The following SLC38A6 variants were observed in gnomAD, a reference collection of about 807,000 sequenced individuals.
SLC38A6 encodes N system amino acid transporter NAT-1.
Under a neutral mutation model 65.0 loss-of-function variants are expected in SLC38A6, and 73 were observed. The ratio of observed to expected loss-of-function variants is 1.12; its 90% confidence interval spans 0.93 to 1.37. The LOEUF (loss-of-function observed/expected upper bound fraction) is 1.37. Among genes scored for constraint, SLC38A6 ranks in the 40% most tolerant of loss-of-function variants. The pLI, the probability that SLC38A6 is intolerant of heterozygous loss-of-function variation, is 0.00. For missense variants in SLC38A6, 561 were observed against 531.1 expected (o/e 1.06, Z -0.55); for synonymous variants, 183 against 178.8 (o/e 1.02, Z -0.19).
intron 6 of SLC38A6, 198 bp downstream of exon 6, chr14:61,030,721 G>A (rs1487831873): frequency 2.8e-5 from 13 of 468,078 alleles, no homozygotes; most frequent in South Asian, 2.5e-4. Flanking sequence ...ATATGAAAGC[G>A]CTGTTCTGTG....
chr14:61,054,286 A>G (rs939345364), downstream of SLC38A6, among the ~76,000 whole-genome samples: 1 of 152,106 alleles, frequency 6.6e-6, no homozygotes, highest in Non-Finnish European at 1.5e-5. Flanking sequence ...GTCCTGTAGT[A>G]TAGTTTGAAG....
At chr14:61,046,701 G>A (rs2042170092) in intron 12 of SLC38A6, among the ~76,000 whole-genome samples, 1 of 152,034 alleles carries the variant, frequency 6.6e-6, no homozygotes, top group Non-Finnish European at 1.5e-5. Context: ...TATTTTTACA[G>A]GTTCTTTTAA....
chr14:61,015,237 A>C (rs1179710606), intron 3 of SLC38A6, among the ~76,000 whole-genome samples: 1 of 152,216 alleles, frequency 6.6e-6, no homozygotes, highest in Admixed American at 6.5e-5. Context: ...GGAAAAGCGC[A>C]GTATTAGGGT....
At chr14:61,025,666 A>T (rs1958270) in intron 5 of SLC38A6, among the ~76,000 whole-genome samples, 141,825 of 152,214 alleles carry the variant, frequency 0.93, 66,458 homozygotes, top group Non-Finnish European at 0.99. Flanking sequence ...TCATTTTTTA[A>T]TCAAATTTAA....
intron 3 of SLC38A6, among the ~76,000 whole-genome samples, chr14:60,998,763 C>T (rs1368194430): frequency 2.6e-5 from 4 of 152,162 alleles, no homozygotes; most frequent in East Asian, 1.9e-4. Context: ...GCGCTCTCCC[C>T]GCCCCCTACA....
At chr14:61,021,306 A>G (rs942641555) in intron 5 of SLC38A6, among the ~76,000 whole-genome samples, 66 of 152,204 alleles carry the variant, frequency 4.3e-4, no homozygotes, top group African/African-American at 1.6e-3. Context: ...CTAGACCGGC[A>G]TCTAGCTTCA....
chr14:61,048,650 T>A (rs1784638496), intron 12 of SLC38A6, among the ~76,000 whole-genome samples: 1 of 152,194 alleles, frequency 6.6e-6, no homozygotes. Context: ...CTGCTTTGGA[T>A]CCTTTTATCC....
chr14:61,079,090 C>T (rs1425995388), intron 16 of SLC38A6, among the ~76,000 whole-genome samples: 2 of 150,378 alleles, frequency 1.3e-5, no homozygotes, highest in Admixed American at 6.6e-5. Flanking sequence ...AGGTCAAGAC[C>T]TCTGGCATCT....
intron 15 of SLC38A6, among the ~76,000 whole-genome samples, chr14:61,069,583 C>T (rs1015395718): frequency 1.3e-5 from 2 of 152,152 alleles, no homozygotes; most frequent in Non-Finnish European, 2.9e-5. Flanking sequence ...TTATTTTCCA[C>T]CTATCCAAAT....
At chr14:60,992,411 A>T (rs2037967123) in intron 3 of SLC38A6, among the ~76,000 whole-genome samples, 1 of 152,186 alleles carries the variant, frequency 6.6e-6, no homozygotes, top group Non-Finnish European at 1.5e-5. Flanking sequence ...TTTTGTAAAT[A>T]TTTCTCGGAT....
chr14:61,010,765 G>A lies in SLC38A6; in HGVS notation c.311-5139G>A, dbSNP rs145104922. On this transcript the variant is annotated intron_variant, in intron 3 of 15. Coordinates refer to ENST00000267488, the MANE Select transcript of SLC38A6 (RefSeq NM_153811.3). ...ATATATCTGTTTTGGTACCAGTACC[G>A]TGCTGTTTTGGTTACTGTAGCCTCG... Among the ~76,000 whole-genome samples, 846 of 152,178 alleles carry A rather than the reference G, an allele frequency of 5.6e-3. 8 individuals are homozygous for A. Among genetic ancestry groups the A allele is most frequent in the African/African-American group, 0.018 (765 of 41,518 alleles).
At chr14:61,042,834 C>T (rs2041891343) in intron 8 of SLC38A6, among the ~76,000 whole-genome samples, 1 of 152,122 alleles carries the variant, frequency 6.6e-6, no homozygotes, top group East Asian at 1.9e-4. Context: ...TCACTGAAAA[C>T]ATCATGTTCC....
intron 3 of SLC38A6, chr14:60,987,081 A>G (rs1402437541): frequency 2.4e-6 from 1 of 412,738 alleles, no homozygotes; most frequent in South Asian, 1.7e-5. Flanking sequence ...TAACTACTTC[A>G]TGGTTCTGCC....
intron 5 of SLC38A6, among the ~76,000 whole-genome samples, chr14:61,027,277 G>C (rs1305251286): frequency 6.6e-6 from 1 of 152,082 alleles, no homozygotes; most frequent in African/African-American, 2.4e-5. Flanking sequence ...CTGACATCAA[G>C]GTATATCTTC....
chr14:61,019,627 A>G (rs781073450), intron 5 of SLC38A6, 47 bp downstream of exon 5: 9 of 1,570,390 alleles, frequency 5.7e-6, no homozygotes, highest in Non-Finnish European at 7.9e-6. Context: ...TGATGGCAAT[A>G]ATGTCCTTTG....
intron 3 of SLC38A6, among the ~76,000 whole-genome samples, chr14:60,993,750 C>A (rs558228573): frequency 6.6e-6 from 1 of 152,288 alleles, no homozygotes; most frequent in South Asian, 2.1e-4. Flanking sequence ...GTACACAGAG[C>A]TTGTATTTAG....
At chr14:60,991,590 C>T (rs1323549482) in intron 3 of SLC38A6, among the ~76,000 whole-genome samples, 1 of 152,248 alleles carries the variant, frequency 6.6e-6, no homozygotes, top group East Asian at 1.9e-4. Context: ...TGGGTAGTCT[C>T]CTGCTTCCAT....
At chr14:61,051,706 G>A in intron 13 of SLC38A6, 81 bp from the exon 14 acceptor site, 2 of 1,510,384 alleles carry the variant, frequency 1.3e-6, no homozygotes, top group Non-Finnish European at 9.0e-7. Flanking sequence ...AAATATCATG[G>A]TTGTTGTATA....
chr14:61,050,999 GCTC>G (rs1466318528), intron 13 of SLC38A6, among the ~76,000 whole-genome samples: 1 of 152,108 alleles, frequency 6.6e-6, no homozygotes. Context: ...GGAAAAATAA[GCTC>G]CTTCTGGGTT....
Sources: gnomAD v4.1 joint callset for allele counts (sites outside exome capture counted in the v4.1 genomes callset) on GRCh38, gnomAD v4.1.1 for gene constraint, MANE v1.5 for transcripts, NCBI Gene and HGNC (gene_info 2026-07-23, HGNC 2026-07-21) for gene names.